Variants in COL19A1 observed in about 807,000 individuals in gnomAD.
COL19A1 encodes the protein collagen alpha-1(XIX) chain.
In COL19A1, 159 loss-of-function variants were observed where a neutral mutation model predicts 190.2. The ratio of observed to expected loss-of-function variants is 0.84; its 90% confidence interval spans 0.73 to 0.95. COL19A1 has a LOEUF of 0.95. Among genes scored for constraint, COL19A1 ranks in the 40% least tolerant of loss-of-function variants. The pLI, the probability that COL19A1 is intolerant of heterozygous loss-of-function variation, is 0.00. For missense variants in COL19A1, 1,418 were observed against 1,431.9 expected (o/e 0.99, Z 0.16); for synonymous variants, 509 against 458.9 (o/e 1.11, Z -1.39).
intron 11 of COL19A1, among the ~76,000 whole-genome samples, chr6:69,974,519 A>T (rs559342582): frequency 1.3e-5 from 2 of 152,350 alleles, no homozygotes; most frequent in African/African-American, 4.8e-5. Flanking sequence ...GATAGCACCC[A>T]GTAATCACAG....
chr6:70,085,683 T>C (rs1782540455), intron 15 of COL19A1, among the ~76,000 whole-genome samples: 1 of 152,208 alleles, frequency 6.6e-6, no homozygotes, highest in Admixed American at 6.5e-5. Flanking sequence ...CATTCCTTGA[T>C]GTTATGGAAT....
chr6:70,180,567 C>A, intron 44 of COL19A1, 44 bp downstream of exon 44: 1 of 1,582,882 alleles, frequency 6.3e-7, no homozygotes, highest in Non-Finnish European at 8.7e-7. Flanking sequence ...TAGAGAAATG[C>A]TCTAACATTA....
intron 40 of COL19A1, among the ~76,000 whole-genome samples, chr6:70,169,522 G>A (rs1765377917): frequency 6.6e-6 from 1 of 152,040 alleles, no homozygotes; most frequent in South Asian, 2.1e-4. Context: ...CCAGCAAAGG[G>A]ACAAGTCATA....
chr6:70,007,202 T>G (rs528801521), intron 11 of COL19A1, among the ~76,000 whole-genome samples: 321 of 152,274 alleles, frequency 2.1e-3, no homozygotes, highest in Non-Finnish European at 3.6e-3. Flanking sequence ...TGAATCAAAG[T>G]TAATTTTTTG....
chr6:70,174,861 A>G (rs1230052005), intron 41 of COL19A1, among the ~76,000 whole-genome samples: 2 of 152,206 alleles, frequency 1.3e-5, no homozygotes, highest in Non-Finnish European at 2.9e-5. Context: ...AAGGTACTCA[A>G]AGAGTGAATT....
chr6:69,986,328 C>A (rs1248565425), intron 11 of COL19A1, among the ~76,000 whole-genome samples: 1 of 150,552 alleles, frequency 6.6e-6, no homozygotes, highest in Non-Finnish European at 1.5e-5. Flanking sequence ...TCAGTTTAAG[C>A]TGAGGTTATT....
At chr6:70,166,538 C>T (rs1045826043) in intron 37 of COL19A1, among the ~76,000 whole-genome samples, 1 of 152,214 alleles carries the variant, frequency 6.6e-6, no homozygotes, top group African/African-American at 2.4e-5. Flanking sequence ...AGCCTCTCTC[C>T]GTGGCAAGTC....
Position 69,932,768 on chromosome 6 carries a change from C to T in COL19A1, c.667-15C>T, listed in dbSNP as rs2345783. 175,700 of 1,514,458 alleles carry T rather than the reference C, an allele frequency of 0.12. 11,236 individuals are homozygous for T. Among genetic ancestry groups the T allele is most frequent in the Middle Eastern group, 0.16 (896 of 5,706 alleles). The allele number at this position is 1,514,458 out of a possible 1,614,324, so 93.8% of individuals were successfully genotyped here. A position where few individuals can be genotyped will look rare whatever the true frequency, so the allele number is the denominator to read the frequency against. On this transcript the variant is annotated splice_polypyrimidine_tract_variant and intron_variant, in intron 6 of 50. Transcript: ENST00000620364. ...AAAAAACTAAAGATGTTTCTTATTA[C>T]TAATTTTTTCATAGATTGAACTTCA...
At chr6:70,030,640 CT>C (rs1265307122) in intron 12 of COL19A1, among the ~76,000 whole-genome samples, 4 of 152,090 alleles carry the variant, frequency 2.6e-5, no homozygotes, top group African/African-American at 7.2e-5. Flanking sequence ...TCAGTCATTT[CT>C]TTTTTTGTGT....
chr6:70,063,027 T>C (rs1330401707), intron 14 of COL19A1, among the ~76,000 whole-genome samples: 1 of 152,086 alleles, frequency 6.6e-6, no homozygotes, highest in Non-Finnish European at 1.5e-5. Context: ...CATACAGTAA[T>C]AATGGGAGAC....
At chr6:70,117,392 A>C (rs1466521805) in intron 16 of COL19A1, among the ~76,000 whole-genome samples, 1 of 152,222 alleles carries the variant, frequency 6.6e-6, no homozygotes, top group Non-Finnish European at 1.5e-5. Context: ...ATGATAATGC[A>C]AATAGCTCAT....
chr6:69,912,447 G>A (rs1771003417), intron 4 of COL19A1, among the ~76,000 whole-genome samples: 1 of 152,176 alleles, frequency 6.6e-6, no homozygotes, highest in South Asian at 2.1e-4. Flanking sequence ...ATGTGTTCAT[G>A]TTCAAAAGCA....
intron 2 of COL19A1, chr6:69,879,967 C>A (rs913988672): frequency 8.0e-6 from 3 of 375,548 alleles, no homozygotes; most frequent in Non-Finnish European, 1.4e-5. Context: ...CTTTCCTCTT[C>A]AATAATTATT....
intron 12 of COL19A1, among the ~76,000 whole-genome samples, chr6:70,025,070 G>C (rs574241483): frequency 5.9e-5 from 9 of 151,368 alleles, no homozygotes; most frequent in African/African-American, 2.2e-4. Context: ...TTTCCCCCAG[G>C]CTGGAGTGCA....
intron 17 of COL19A1, among the ~76,000 whole-genome samples, chr6:70,123,936 T>C (rs1244646985): frequency 6.7e-6 from 1 of 150,238 alleles, no homozygotes; most frequent in East Asian, 1.9e-4. Context: ...ATTGTGCACA[T>C]GTACCCTAAA....
At position 70,199,706 on chromosome 6, in the gene COL19A1, C is replaced by T. The variant is rs372101279; in HGVS notation, c.3193C>T (p.Pro1065Ser). 1.9e-6 allele frequency: 3 copies of T among 1,610,914 alleles called. No individual in the cohort carries two copies. The African/African-American group carries it at 4.0e-5, about 22-fold the overall frequency. The change falls in exon 49 of 51, where the codon CCT (proline) becomes TCT (serine). Residue 1065 changes from proline (P) to serine (S), a missense_variant. Coordinates refer to ENST00000620364, the MANE Select transcript of COL19A1 (RefSeq NM_001858.6). ...RPGPPGKDGL[P>S]GPPGDPGPQG... ...TGGGCCACCAGGGAAGGATGGGTTG[C>T]CTGGGCCACCAGGAGACCCTGGACC...
At chr6:69,983,851 A>G (rs199940756) in intron 11 of COL19A1, among the ~76,000 whole-genome samples, 1 of 152,076 alleles carries the variant, frequency 6.6e-6, no homozygotes, top group East Asian at 1.9e-4. Context: ...AGTGGATTCA[A>G]TTTGCTACTA....
chr6:69,969,594 TATA>T (rs1485685403), intron 11 of COL19A1, among the ~76,000 whole-genome samples: 1 of 152,178 alleles, frequency 6.6e-6, no homozygotes, highest in Non-Finnish European at 1.5e-5. Flanking sequence ...TAAAAAACAA[TATA>T]ATCTAACAAC....
chr6:69,958,955 T>C (rs914236293), intron 9 of COL19A1, among the ~76,000 whole-genome samples: 2 of 152,224 alleles, frequency 1.3e-5, no homozygotes, highest in African/African-American at 4.8e-5. Flanking sequence ...AAAACTGTTA[T>C]CTTATAAATT....
Sources: allele counts gnomAD v4.1 joint callset (sites outside exome capture counted in the v4.1 genomes callset), GRCh38; gene constraint gnomAD v4.1.1; transcripts MANE v1.5; gene names NCBI Gene and HGNC (gene_info 2026-07-23, HGNC 2026-07-21).